The following DENND1A variants were observed in gnomAD, a reference collection of about 807,000 sequenced individuals.
DENND1A encodes the protein DENN domain containing 1A.
Under a neutral mutation model 113.7 loss-of-function variants are expected in DENND1A, and 51 were observed. That is an observed-to-expected ratio of 0.45 (90% CI 0.36 to 0.57). The LOEUF (loss-of-function observed/expected upper bound fraction) is 0.57, where lower values mean the gene tolerates loss of function less well. Ranked by LOEUF, DENND1A falls within the 20% of genes least tolerant of loss-of-function variation. DENND1A has a pLI of 0.00. For synonymous variants in DENND1A, 565 were observed against 570.8 expected (o/e 0.99, Z 0.14); for missense variants, 1,258 against 1,395.9 (o/e 0.90, Z 1.57).
In DENND1A at chr9:123,457,878, C is replaced by G. The variant is rs774398957; in HGVS notation, c.1013G>C (p.Cys338Ser). 2 of 1,611,936 alleles carry G rather than the reference C, an allele frequency of 1.2e-6. No homozygotes were observed. The highest frequency in any genetic ancestry group is 3.3e-5 in the Admixed American group (2 of 59,846). ...GTAGTGGGACACGAAGGCTTCCTCA[C>G]AGAAAGTGATCGGCTCCTCCTGGGA... ...KIEPEEPITF[C>S]EEAFVSHYRS... The change falls in exon 14 of 24, where the codon TGT becomes TCT. Residue 338 changes from cysteine to serine, a missense_variant. Physicochemically the swap from Cys to Ser is moderately radical, Grantham distance 112. This residue lies in a region of DENND1A where 1,159 missense variants were observed against 1,231.7 expected (regional missense o/e 0.94). Transcript: ENST00000394215.
chr9:123,715,782 TC>T (rs1291730013), intron 5 of DENND1A, among the ~76,000 whole-genome samples: 2 of 152,090 alleles, frequency 1.3e-5, no homozygotes, highest in Non-Finnish European at 2.9e-5. Context: ...ACTCCAGTGA[TC>T]CTCTCAACTC....
At chr9:123,404,287 G>T (rs575374438) in intron 20 of DENND1A, among the ~76,000 whole-genome samples, 2 of 152,326 alleles carry the variant, frequency 1.3e-5, no homozygotes, top group South Asian at 4.1e-4. Context: ...GTTAGGCTGA[G>T]AATTTCTAGG....
At chr9:123,928,255 C>G (rs1038504241) in intron 1 of DENND1A, among the ~76,000 whole-genome samples, 3 of 152,234 alleles carry the variant, frequency 2.0e-5, no homozygotes, top group African/African-American at 7.2e-5. Context: ...CTTTTACTTG[C>G]TGGATTTTAA....
chr9:123,455,911 G>C (rs4838061), intron 15 of DENND1A, among the ~76,000 whole-genome samples: 135,474 of 152,218 alleles, frequency 0.89, 60,494 homozygotes, highest in East Asian at 0.93. Flanking sequence ...TCTAACCGCA[G>C]CGAAATGCGT....
chr9:123,622,061 G>A (rs2060990212), intron 10 of DENND1A, among the ~76,000 whole-genome samples: 1 of 152,154 alleles, frequency 6.6e-6, no homozygotes, highest in African/African-American at 2.4e-5. Context: ...GAGTCATCTG[G>A]AAATGCCAAG....
chr9:123,568,469 C>A (rs2058173732), intron 12 of DENND1A, among the ~76,000 whole-genome samples: 1 of 152,224 alleles, frequency 6.6e-6, no homozygotes, highest in Admixed American at 6.5e-5. Context: ...GCCAAAACTA[C>A]CCAAGCCTTT....
At chr9:123,903,631 G>A (rs1013147002) in intron 1 of DENND1A, among the ~76,000 whole-genome samples, 1 of 152,130 alleles carries the variant, frequency 6.6e-6, no homozygotes, top group Non-Finnish European at 1.5e-5. Flanking sequence ...GGAAAATTGG[G>A]TCACTCCCAC....
chr9:123,680,647 C>T (rs1458638319), intron 5 of DENND1A, among the ~76,000 whole-genome samples: 1 of 152,218 alleles, frequency 6.6e-6, no homozygotes, highest in African/African-American at 2.4e-5. Flanking sequence ...TCTCACTCCA[C>T]TTGGGATGAT....
intron 11 of DENND1A, among the ~76,000 whole-genome samples, chr9:123,593,383 T>C (rs925017974): frequency 5.9e-5 from 9 of 152,178 alleles, no homozygotes; most frequent in Non-Finnish European, 1.2e-4. Context: ...AAGCATCATC[T>C]ACTCTCATGG....
intron 8 of DENND1A, among the ~76,000 whole-genome samples, chr9:123,663,524 CCATGG>C (rs2063347657): frequency 1.3e-5 from 2 of 151,728 alleles, no homozygotes; most frequent in South Asian, 4.2e-4. Context: ...TATAAATGTC[CCATGG>C]CATTTTAAAA....
In DENND1A at chr9:123,382,369, G is replaced by A; in HGVS notation, c.2276C>T (p.Thr759Ile). 6.3e-7 allele frequency: 1 copy of A among 1,599,844 alleles called. No individual in the cohort carries two copies. The highest frequency in any genetic ancestry group is 1.7e-5 in the Admixed American group (1 of 59,208). ...CTTCCTGCCTTGGGGCCGGGGGATGGTGATGCTGCCCAGAGTAGGGGTGGG... is the reference window on the plus strand; with the variant it reads ...CTTCCTGCCTTGGGGCCGGGGGATGATGATGCTGCCCAGAGTAGGGGTGGG... ...EVPTPTLGSI[T>I]IPRPQGRKTP... The change falls in exon 24 of 24, where the codon ACC becomes ATC. Residue 759 changes from threonine (T) to isoleucine (I), a missense_variant. By Grantham distance (89) the Thr-to-Ile change is moderately conservative. This residue lies in a region of DENND1A where 1,159 missense variants were observed against 1,231.7 expected (regional missense o/e 0.94). Coordinates refer to ENST00000394215, the MANE Select transcript of DENND1A (RefSeq NM_001352964.2).
At chr9:123,680,283 A>G (rs1008621698) in intron 5 of DENND1A, among the ~76,000 whole-genome samples, 1 of 152,126 alleles carries the variant, frequency 6.6e-6, no homozygotes, top group African/African-American at 2.4e-5. Flanking sequence ...CCTCACTCCC[A>G]GGCCTGAGAG....
chr9:123,667,226 T>C, intron 7 of DENND1A, 147 bp from the exon 8 acceptor site: 1 of 782,806 alleles, frequency 1.3e-6, no homozygotes, highest in Admixed American at 3.4e-5. Flanking sequence ...GAATATTTTC[T>C]TTGGATAATG....
chr9:123,835,427 A>AGAGGTGGG (rs1399685494), intron 2 of DENND1A, among the ~76,000 whole-genome samples: 1 of 152,176 alleles, frequency 6.6e-6, no homozygotes, highest in Non-Finnish European at 1.5e-5. Context: ...CAATCATGGT[A>AGAGGTGGG]GAGGTGGGGG....
chr9:123,399,010 G>A (rs1489849358), intron 21 of DENND1A, among the ~76,000 whole-genome samples: 1 of 150,952 alleles, frequency 6.6e-6, no homozygotes, highest in African/African-American at 2.4e-5. Context: ...TAGCCAGGCT[G>A]GTCTTGAACT....
exon 1 of DENND1A, chr9:123,930,115 GCCGGCGCGCGTGC>G (rs1223077569): frequency 5.1e-6 from 1 of 194,686 alleles, no homozygotes; most frequent in Non-Finnish European, 1.0e-5. Context: ...CGCCATGGTC[GCCGGCGCGCGTGC>G]CCGGCGCGCG....
chr9:123,711,513 G>GTATATATGTATATATA (rs2066613052), intron 5 of DENND1A, among the ~76,000 whole-genome samples: 1 of 121,008 alleles, frequency 8.3e-6, no homozygotes, highest in Admixed American at 8.8e-5. Context: ...ATGTATATAT[G>GTATATATGTATATATA]TATATATATA....
chr9:123,669,154 A>G (rs1383543987), intron 7 of DENND1A, among the ~76,000 whole-genome samples: 1 of 152,202 alleles, frequency 6.6e-6, no homozygotes, highest in Non-Finnish European at 1.5e-5. Flanking sequence ...ACCATCACTC[A>G]TATCAGACAC....
At chr9:123,425,060 C>T (rs1336514598) in intron 19 of DENND1A, among the ~76,000 whole-genome samples, 4 of 152,182 alleles carry the variant, frequency 2.6e-5, no homozygotes, top group Non-Finnish European at 4.4e-5. Flanking sequence ...GACCATGGGG[C>T]GGGGACTCCC....
Sources: gnomAD v4.1 joint callset for allele counts (sites outside exome capture counted in the v4.1 genomes callset) on GRCh38, gnomAD v4.1.1 for gene constraint, gnomAD v4.1.1 regional missense constraint, MANE v1.5 for transcripts, NCBI Gene and HGNC (gene_info 2026-07-23, HGNC 2026-07-21) for gene names.